Variants in DUSP10 observed in about 807,000 individuals in gnomAD.
DUSP10 encodes dual specificity phosphatase 10.
A neutral mutation model predicts 30.8 loss-of-function variants in DUSP10; 14 were observed. That is an observed-to-expected ratio of 0.46 (90% CI 0.30 to 0.71). The LOEUF is 0.71. Among genes scored for constraint, DUSP10 ranks in the 30% least tolerant of loss-of-function variants. The pLI is 0.08. For synonymous variants in DUSP10, 254 were observed against 250.4 expected (o/e 1.01, Z -0.14); for missense variants, 550 against 619.4 (o/e 0.89, Z 1.19).
At chr1:221,717,258 T>C (rs1349991257) in intron 2 of DUSP10, among the ~76,000 whole-genome samples, 1 of 151,930 alleles carries the variant, frequency 6.6e-6, no homozygotes, top group African/African-American at 2.4e-5. Flanking sequence ...GGGAGCCAAA[T>C]GTGGGGAGGC....
chr1:221,702,441 T>TTGGTGTAAGGATTCTCGGTGTCACAC lies in DUSP10; in HGVS notation c.1394_1419dup (p.Lys474ValfsTer2), dbSNP rs1385449262. ...ACAACCGTCTCCACGCCCATCAGCT[T>TTGGTGTAAGGATTCTCGGTGTCACAC]TGGTGTAAGGATTCTCGGTGTCACA... On this transcript the variant is annotated stop_gained and frameshift_variant, in exon 4 of 4. Coordinates refer to ENST00000366899, the MANE Select transcript of DUSP10 (RefSeq NM_007207.6). LOFTEE classifies it high-confidence loss of function. This position sits in a 1 kb window ranked among gnomAD's most constrained non-coding sequence, Gnocchi z 4.5. The TTGGTGTAAGGATTCTCGGTGTCACAC allele has an allele frequency of 6.2e-7, 1 of 1,614,084 alleles. No individual in the cohort carries two copies.
chr1:221,741,906 C>T (rs1451423148), intron 1 of DUSP10, 75 bp downstream of exon 1: 1 of 152,416 alleles, frequency 6.6e-6, no homozygotes, highest in Non-Finnish European at 1.5e-5. Context: ...CACTCACACT[C>T]ACACAAGCAC....
chr1:221,729,492 A>G (rs1661518940), intron 2 of DUSP10, among the ~76,000 whole-genome samples: 1 of 152,236 alleles, frequency 6.6e-6, no homozygotes, highest in Non-Finnish European at 1.5e-5. Flanking sequence ...CTCATTTACT[A>G]GTTAATAACA....
chr1:221,707,278 G>A (rs947680235), intron 2 of DUSP10, among the ~76,000 whole-genome samples: 3 of 152,242 alleles, frequency 2.0e-5, no homozygotes, highest in African/African-American at 4.8e-5. Flanking sequence ...AGGGTGGGGT[G>A]TGAAGGACTG....
At chr1:221,736,593 C>T (rs542115092) in intron 2 of DUSP10, among the ~76,000 whole-genome samples, 1 of 152,328 alleles carries the variant, frequency 6.6e-6, no homozygotes, top group Admixed American at 6.5e-5. Flanking sequence ...TCTTTCACCA[C>T]AGTGGTGCTA....
intron 2 of DUSP10, among the ~76,000 whole-genome samples, chr1:221,717,396 A>G (rs1661136438): frequency 6.6e-6 from 1 of 152,100 alleles, no homozygotes; most frequent in Non-Finnish European, 1.5e-5. Flanking sequence ...TGAGTGTTCC[A>G]AAGTCCACAA....
In DUSP10 at chr1:221,702,257, C is replaced by T. The variant is rs1300310344; in HGVS notation, c.*155G>A. ...GGCATCAAAAGTTATAGTCTTCTTACACTTGTTAAAAATAAAGTGTTTAAA... is the reference window on the plus strand; with the variant it reads ...GGCATCAAAAGTTATAGTCTTCTTATACTTGTTAAAAATAAAGTGTTTAAA... On this transcript the variant is annotated 3_prime_UTR_variant, in exon 4 of 4. Transcript: ENST00000366899. This position sits in a 1 kb window ranked among gnomAD's most constrained non-coding sequence, Gnocchi z 4.5. 2 of 836,534 alleles carry T rather than the reference C, an allele frequency of 2.4e-6. No individual in the cohort carries two copies. The highest frequency in any genetic ancestry group is 3.7e-6 in the Non-Finnish European group (2 of 542,962). 51.8% of individuals were successfully genotyped at this position (836,534 alleles called of 1,614,324 possible). A position where few individuals can be genotyped will look rare whatever the true frequency, so the allele number is the denominator to read the frequency against.
chr1:221,723,317 G>A (rs1371601801), intron 2 of DUSP10, among the ~76,000 whole-genome samples: 1 of 152,202 alleles, frequency 6.6e-6, no homozygotes, highest in Non-Finnish European at 1.5e-5. Flanking sequence ...CCAAGGAAAT[G>A]GTGTTACAGA....
intron 2 of DUSP10, among the ~76,000 whole-genome samples, chr1:221,709,823 C>T (rs1006966753): frequency 2.0e-5 from 3 of 152,136 alleles, no homozygotes; most frequent in South Asian, 2.1e-4. Flanking sequence ...TACTTTCCTC[C>T]GACCCTACCC....
rs771992135 is a variant in DUSP10 at position 221,739,623 on chromosome 1, C to G, written c.122G>C (p.Ser41Thr). The G allele has an allele frequency of 6.2e-7, 1 of 1,614,176 alleles. No homozygotes were observed. The highest frequency in any genetic ancestry group is 1.7e-5 in the Admixed American group (1 of 60,020). ...GGTGGTGGCGATGACAGGAGGGTGG[C>G]TGTTACTGCCTGGGTTGGCAGAGCC... ...YLGSANPGSN[S>T]HPPVIATTVV... Residue 41 changes from serine to threonine, a missense_variant, in exon 2 of 4, where the codon AGC (serine) becomes ACC (threonine). Ser to Thr is a moderately conservative substitution (Grantham distance 58). Transcript: ENST00000366899.
rs748076536 is a variant in DUSP10, at chr1:221,739,154, G to T, written c.591C>A (p.Ala197=). ...HIQGAVHINC[A]DKISRRRLQQ... Reference sequence around the variant, plus strand: ...GCAGTCTCCGCCGGCTGATCTTATCGGCACAGTTAATGTGGACAGCTCCTT... The same window carrying T: ...GCAGTCTCCGCCGGCTGATCTTATCTGCACAGTTAATGTGGACAGCTCCTT... Residue 197 remains alanine (A), a synonymous_variant, in exon 2 of 4, where the codon GCC becomes GCA. Coordinates refer to ENST00000366899, the MANE Select transcript of DUSP10 (RefSeq NM_007207.6). 5.6e-6 allele frequency: 9 copies of T among 1,614,164 alleles called. No individual in the cohort carries two copies. The highest frequency in any genetic ancestry group is 5.9e-6 in the Non-Finnish European group (7 of 1,180,032).
Position 221,739,426 on chromosome 1 carries a change from C to T in DUSP10, c.319G>A (p.Gly107Arg), listed in dbSNP as rs147900867. Residue 107 changes from glycine to arginine, a missense_variant, in exon 2 of 4, where the codon GGA becomes AGA. Coordinates refer to ENST00000366899, the MANE Select transcript of DUSP10 (RefSeq NM_007207.6). ...TTAGCAGGGCAGGTGGTAGAGGTTC[C>T]GATGGCAGTGGTGGTGGTGCCAGCG... Reference protein sequence around the residue: ...IAAGTTTTAIGTSTTCPANQM... With the variant: ...IAAGTTTTAIRTSTTCPANQM... 40 of 1,614,014 alleles carry T rather than the reference C, an allele frequency of 2.5e-5. No individual in the cohort carries two copies. Among genetic ancestry groups the T allele is most frequent in the African/African-American group, 1.2e-4 (9 of 74,896 alleles).
intron 2 of DUSP10, among the ~76,000 whole-genome samples, chr1:221,719,635 T>C (rs572730632): frequency 6.6e-6 from 1 of 152,276 alleles, no homozygotes; most frequent in Admixed American, 6.5e-5. Flanking sequence ...TAATGGTCAG[T>C]TCAACCTGGG....
At chr1:221,738,597 G>C (rs2102656805) in intron 2 of DUSP10, among the ~76,000 whole-genome samples, 1 of 152,346 alleles carries the variant, frequency 6.6e-6, no homozygotes, top group East Asian at 1.9e-4. Context: ...GATTGGAATA[G>C]AGCTAGCAGA....
intron 1 of DUSP10, among the ~76,000 whole-genome samples, chr1:221,740,969 C>A (rs576560021): frequency 6.6e-6 from 1 of 152,282 alleles, no homozygotes; most frequent in Admixed American, 6.5e-5. Context: ...CTCACCTAAA[C>A]GAACTTTAAG....
At chr1:221,720,380 G>A (rs904848372) in intron 2 of DUSP10, among the ~76,000 whole-genome samples, 1 of 152,212 alleles carries the variant, frequency 6.6e-6, no homozygotes, top group African/African-American at 2.4e-5. Context: ...CCTATGTAAT[G>A]AAGCCCCCAT....
At chr1:221,704,694 A>G (rs954906899) in intron 3 of DUSP10, among the ~76,000 whole-genome samples, 1 of 152,104 alleles carries the variant, frequency 6.6e-6, no homozygotes, top group Non-Finnish European at 1.5e-5. Context: ...GGAGTCAAAA[A>G]CCCTGGATTC....
chr1:221,716,077 TTC>T (rs1289011819), intron 2 of DUSP10, among the ~76,000 whole-genome samples: 1 of 146,268 alleles, frequency 6.8e-6, no homozygotes, highest in Non-Finnish European at 1.5e-5. Context: ...TCCCTACACC[TTC>T]TCTGTCTCTC....
chr1:221,730,659 T>C (rs1661561839), intron 2 of DUSP10, among the ~76,000 whole-genome samples: 1 of 152,242 alleles, frequency 6.6e-6, no homozygotes, highest in South Asian at 2.1e-4. Flanking sequence ...ATTCAGAGAA[T>C]AGGTAAGAGC....
Sources: allele counts gnomAD v4.1 joint callset (sites outside exome capture counted in the v4.1 genomes callset), GRCh38; gene constraint gnomAD v4.1.1; non-coding constraint Gnocchi (gnomAD v3.1); transcripts MANE v1.5; gene names NCBI Gene and HGNC (gene_info 2026-07-23, HGNC 2026-07-21).